The following ZNF385D variants were observed in gnomAD, a reference collection of about 807,000 sequenced individuals.
ZNF385D encodes the protein zinc finger protein 659.
ZNF385D carries 15 observed loss-of-function variants against 35.8 expected under a neutral mutation model. The observed-to-expected ratio is 0.42, with a 90% CI of 0.28 to 0.64. The LOEUF is 0.64. Ranked by LOEUF, ZNF385D falls within the 30% of genes least tolerant of loss-of-function variation. The pLI is 0.23. For synonymous variants in ZNF385D, 212 were observed against 186.8 expected (o/e 1.13, Z -1.10); for missense variants, 474 against 494.6 (o/e 0.96, Z 0.39).
intron 3 of ZNF385D, among the ~76,000 whole-genome samples, chr3:21,764,312 CTG>C (rs1193908493): frequency 9.9e-5 from 15 of 152,102 alleles, no homozygotes; most frequent in African/African-American, 3.4e-4. Context: ...TTGAAAGAAA[CTG>C]TGAACTGCAA....
chr3:21,550,562 A>C (rs1438814841), intron 3 of ZNF385D, among the ~76,000 whole-genome samples: 3 of 152,142 alleles, frequency 2.0e-5, no homozygotes, highest in Non-Finnish European at 4.4e-5. Context: ...GGCTTACTGC[A>C]ACCTCCGCCT....
intron 3 of ZNF385D, among the ~76,000 whole-genome samples, chr3:22,135,836 G>C (rs1704067178): frequency 6.6e-6 from 1 of 152,108 alleles, no homozygotes; most frequent in Non-Finnish European, 1.5e-5. Flanking sequence ...CACAAGTACA[G>C]CCAACTGATA....
Position 22,111,855 on chromosome 3 carries a change from G to A in ZNF385D, c.325+56962C>T, listed in dbSNP as rs187652027. 7.4e-3 allele frequency among the ~76,000 whole-genome samples: 1,122 copies of A among 152,256 alleles called. 15 individuals carry two copies. Among genetic ancestry groups the A allele is most frequent in the African/African-American group, 0.025 (1,024 of 41,556 alleles). On this transcript the variant is annotated intron_variant, in intron 3 of 5. Coordinates refer to the ZNF385D transcript ENST00000494108. ...CTATTGGTTTTATAAAGCACAGAGA[G>A]CTGGGTTTACAGGACAGAGAACAAA...
chr3:22,074,203 G>A (rs1700361058), intron 3 of ZNF385D, among the ~76,000 whole-genome samples: 1 of 151,794 alleles, frequency 6.6e-6, no homozygotes, highest in Non-Finnish European at 1.5e-5. Flanking sequence ...ATTTGTCTGT[G>A]CCAGCTCATT....
At chr3:22,193,743 C>T (rs1271746500) in intron 2 of ZNF385D, among the ~76,000 whole-genome samples, 1 of 151,946 alleles carries the variant, frequency 6.6e-6, no homozygotes, top group Non-Finnish European at 1.5e-5. Flanking sequence ...TATCCTTAGG[C>T]ATTTACATTG....
intron 3 of ZNF385D, among the ~76,000 whole-genome samples, chr3:21,923,039 A>T (rs1559757773): frequency 6.6e-6 from 1 of 151,810 alleles, no homozygotes; most frequent in Non-Finnish European, 1.5e-5. Context: ...AATGCTTCAC[A>T]TTTTTTTATT....
Position 22,361,673 on chromosome 3 carries a change from A to G in ZNF385D, c.106+10777T>C, listed in dbSNP as rs1457657735. Among the ~76,000 whole-genome samples the G allele has an allele frequency of 2.0e-5, 3 of 152,040 alleles. No individual in the cohort carries two copies. In the East Asian group the frequency reaches 5.8e-4, roughly 29 times the overall value. ...ATGTATGATAGACTTAGCAGAAACTATTTCTCTGTATATGTGGAAAGAGGA... is the reference window on the plus strand; with the variant it reads ...ATGTATGATAGACTTAGCAGAAACTGTTTCTCTGTATATGTGGAAAGAGGA... On this transcript the variant is annotated intron_variant, in intron 2 of 5. Coordinates refer to the ZNF385D transcript ENST00000494108.
At chr3:22,205,097 GA>G (rs984140682) in intron 2 of ZNF385D, among the ~76,000 whole-genome samples, 1 of 151,346 alleles carries the variant, frequency 6.6e-6, no homozygotes, top group Non-Finnish European at 1.5e-5. Context: ...CAAGAATAAG[GA>G]AAAGATTCTA....
intron 2 of ZNF385D, among the ~76,000 whole-genome samples, chr3:22,188,241 T>A (rs1695772151): frequency 6.6e-6 from 1 of 152,128 alleles, no homozygotes; most frequent in Admixed American, 6.6e-5. Flanking sequence ...AGATTTGTAG[T>A]TTCATAAGAT....
intron 3 of ZNF385D, among the ~76,000 whole-genome samples, chr3:21,921,023 G>A (rs547523833): frequency 1.3e-5 from 2 of 151,648 alleles, no homozygotes; most frequent in East Asian, 3.9e-4. Flanking sequence ...AGACCATCCT[G>A]GCTAACACAG....
intron 3 of ZNF385D, among the ~76,000 whole-genome samples, chr3:21,996,129 C>T (rs1196827083): frequency 6.6e-6 from 1 of 152,102 alleles, no homozygotes; most frequent in East Asian, 1.9e-4. Flanking sequence ...GCTATAGCTG[C>T]TTGGGACTCA....
rs574510242 is a variant in ZNF385D at position 22,322,433 on chromosome 3, C to G, written c.106+50017G>C. 4.6e-5 allele frequency among the ~76,000 whole-genome samples: 7 copies of G among 152,264 alleles called. No individual in the cohort carries two copies. In the South Asian group the frequency reaches 1.2e-3, roughly 27 times the overall value. On this transcript the variant is annotated intron_variant, in intron 2 of 5. Coordinates refer to the ZNF385D transcript ENST00000494108. ...TTTCACTGTCCTCTATCTCCCAGTA[C>G]TATAAAGGAGAAACACAGTGAGTCT...
chr3:21,869,778 G>A (rs1327821618), intron 3 of ZNF385D, among the ~76,000 whole-genome samples: 1 of 152,094 alleles, frequency 6.6e-6, no homozygotes, highest in African/African-American at 2.4e-5. Flanking sequence ...CTATAAGACA[G>A]AAAATTAAGC....
chr3:21,425,404 G>T, intron 6 of ZNF385D, 88 bp downstream of exon 6: 1 of 1,368,852 alleles, frequency 7.3e-7, no homozygotes, highest in Non-Finnish European at 9.7e-7. Flanking sequence ...GGGACAGAAA[G>T]ACAGAAATAA....
At chr3:22,184,598 G>T (rs1695503036) in intron 2 of ZNF385D, among the ~76,000 whole-genome samples, 1 of 152,100 alleles carries the variant, frequency 6.6e-6, no homozygotes, top group Admixed American at 6.6e-5. Flanking sequence ...GGCCGAAGAG[G>T]GTGGATCACC....
chr3:22,236,969 A>G (rs574774405), intron 2 of ZNF385D, among the ~76,000 whole-genome samples: 25 of 152,306 alleles, frequency 1.6e-4, no homozygotes, highest in African/African-American at 6.0e-4. Context: ...CCTTTTGGTC[A>G]TATCATAATG....
At chr3:22,335,369 T>G (rs1695117239) in intron 2 of ZNF385D, among the ~76,000 whole-genome samples, 1 of 152,210 alleles carries the variant, frequency 6.6e-6, no homozygotes, top group Non-Finnish European at 1.5e-5. Flanking sequence ...CTTGCTCATG[T>G]GAGTGACTGT....
chr3:22,197,467 C>A (rs1428340418), intron 2 of ZNF385D, among the ~76,000 whole-genome samples: 2 of 152,058 alleles, frequency 1.3e-5, no homozygotes, highest in African/African-American at 4.8e-5. Flanking sequence ...CAGTTCGACT[C>A]ATCTATATTT....
chr3:22,073,238 A>T (rs1700311737), intron 3 of ZNF385D, among the ~76,000 whole-genome samples: 1 of 151,880 alleles, frequency 6.6e-6, no homozygotes, highest in Non-Finnish European at 1.5e-5. Context: ...TTGCAGACAA[A>T]TCTAATAAGA....
Sources: allele counts gnomAD v4.1 joint callset (sites outside exome capture counted in the v4.1 genomes callset), GRCh38; gene constraint gnomAD v4.1.1; transcripts MANE v1.5; gene names NCBI Gene and HGNC (gene_info 2026-07-23, HGNC 2026-07-21).